The following COL4A5 variants were observed in gnomAD, a reference collection of about 807,000 sequenced individuals.
COL4A5 encodes collagen type IV alpha 5 chain.
In COL4A5, 26 loss-of-function variants were observed where a neutral mutation model predicts 130.2. That is an observed-to-expected ratio of 0.20 (90% confidence interval 0.15 to 0.28). COL4A5 has a LOEUF of 0.28. COL4A5 is among the 10% of genes least tolerant of loss of function. The pLI is 1.00. For missense variants in COL4A5, 1,131 were observed against 1,344.3 expected (o/e 0.84, Z 2.48); for synonymous variants, 496 against 439.6 (o/e 1.13, Z -1.60).
chrX:108,575,735 G>T (rs1355554745), intron 9 of COL4A5, among the ~76,000 whole-genome samples, 175 bp from the exon 10 acceptor site: 1 of 112,062 alleles, frequency 8.9e-6, no homozygotes, highest in Non-Finnish European at 1.9e-5. Context: ...TACTCAGGAG[G>T]CTGAGGCAGG....
chrX:108,537,453 G>A (rs1413807734), intron 1 of COL4A5, among the ~76,000 whole-genome samples: 2 of 111,549 alleles, frequency 1.8e-5, no homozygotes, highest in East Asian at 2.8e-4. Flanking sequence ...AAAATGACAT[G>A]CGAGAGTATT....
chrX:108,612,559 A>G, intron 29 of COL4A5, among the ~76,000 whole-genome samples: 1 of 111,860 alleles, frequency 8.9e-6, no homozygotes, highest in Admixed American at 9.5e-5. Context: ...AATAGCATCA[A>G]ATGACATGAA....
chrX:108,623,452 T>TTTTCC (rs57942778), intron 33 of COL4A5, among the ~76,000 whole-genome samples: 11,434 of 110,303 alleles, frequency 0.1, 1,284 homozygotes, highest in African/African-American at 0.33. Context: ...AAAAAAAACC[T>TTTTCC]TTTTTATAGA....
chrX:108,486,440 T>G (rs144337408), intron 1 of COL4A5, among the ~76,000 whole-genome samples: 338 of 111,728 alleles, frequency 3.0e-3, no homozygotes, highest in African/African-American at 0.011. Flanking sequence ...TTCAAATAGA[T>G]TTTTGCGGAA....
intron 2 of COL4A5, 78 bp downstream of exon 2, chrX:108,539,883 A>G (rs1358496436): frequency 3.7e-6 from 3 of 813,615 alleles, no homozygotes; most frequent in Non-Finnish European, 5.5e-6. Context: ...TTTTAAAAAC[A>G]GAGCTTCTAT....
intron 19 of COL4A5, 70 bp downstream of exon 19, chrX:108,586,817 A>G: frequency 9.1e-7 from 1 of 1,096,860 alleles, no homozygotes; most frequent in Non-Finnish European, 1.3e-6. Context: ...TTTTTATCAC[A>G]TTAGTTCCAT....
At chrX:108,577,703 G>C (rs1343401681) in intron 10 of COL4A5, among the ~76,000 whole-genome samples, 1 of 110,882 alleles carries the variant, frequency 9.0e-6, no homozygotes, top group Non-Finnish European at 1.9e-5. Flanking sequence ...TGACAATGGG[G>C]CTACCTCTCT....
intron 30 of COL4A5, 144 bp downstream of exon 30, chrX:108,615,168 A>G (rs951797468): frequency 7.9e-6 from 4 of 506,012 alleles, no homozygotes; most frequent in Non-Finnish European, 1.4e-5. Context: ...ATAAAAGTGG[A>G]TAAGTACAAG....
chrX:108,554,824 A>G (rs971353140), intron 2 of COL4A5, among the ~76,000 whole-genome samples: 3 of 111,588 alleles, frequency 2.7e-5, no homozygotes, highest in African/African-American at 9.8e-5. Flanking sequence ...TTTGTGCCAC[A>G]GCACTCCAGC....
intron 1 of COL4A5, among the ~76,000 whole-genome samples, chrX:108,447,170 C>T (rs1269441168): frequency 9.0e-6 from 1 of 111,536 alleles, no homozygotes; most frequent in Non-Finnish European, 1.9e-5. Flanking sequence ...GTCTTTCAGG[C>T]TTACACTTAA....
chrX:108,515,028 GA>G (rs1482009428), intron 1 of COL4A5, among the ~76,000 whole-genome samples: 1 of 111,700 alleles, frequency 9.0e-6, no homozygotes, highest in African/African-American at 3.3e-5. Flanking sequence ...ATTTATGTAA[GA>G]ACATTATATA....
intron 41 of COL4A5, 78 bp from the exon 42 acceptor site, chrX:108,670,150 A>G: frequency 9.6e-7 from 1 of 1,044,668 alleles, no homozygotes. Context: ...TAGTTTCTTG[A>G]TATTTCTAAC....
At chrX:108,517,550 G>A (rs1302398775) in intron 1 of COL4A5, among the ~76,000 whole-genome samples, 3 of 111,606 alleles carry the variant, frequency 2.7e-5, no homozygotes, top group Non-Finnish European at 5.7e-5. Flanking sequence ...TGCCTTGTGA[G>A]TACCTCATCA....
intron 1 of COL4A5, among the ~76,000 whole-genome samples, chrX:108,518,335 A>G (rs1448755790): frequency 2.7e-5 from 3 of 111,670 alleles, no homozygotes; most frequent in Admixed American, 9.5e-5. Flanking sequence ...TTCCCCATCC[A>G]AAACATAAAG....
At chrX:108,453,293 C>G (rs2064547259) in intron 1 of COL4A5, among the ~76,000 whole-genome samples, 1 of 111,619 alleles carries the variant, frequency 9.0e-6, no homozygotes, top group Non-Finnish European at 1.9e-5. Flanking sequence ...AGCTATATAA[C>G]TATTGGAAAC....
chrX:108,677,952 A>C (rs1395154236), intron 44 of COL4A5, among the ~76,000 whole-genome samples: 1 of 111,827 alleles, frequency 8.9e-6, no homozygotes, highest in African/African-American at 3.2e-5. Flanking sequence ...CATATAGATG[A>C]ATCCACCCAT....
intron 18 of COL4A5, among the ~76,000 whole-genome samples, chrX:108,585,304 G>A (rs2066318659): frequency 8.9e-6 from 1 of 112,043 alleles, no homozygotes. Flanking sequence ...TATCCATAAT[G>A]AGTCTCAGTT....
chrX:108,483,947 T>A (rs969713326), intron 1 of COL4A5, among the ~76,000 whole-genome samples: 1 of 112,435 alleles, frequency 8.9e-6, no homozygotes, highest in Non-Finnish European at 1.9e-5. Flanking sequence ...CTTTTGCCTA[T>A]TTTTTATTCA....
At chrX:108,445,139 C>T (rs968165941) in intron 1 of COL4A5, among the ~76,000 whole-genome samples, 5 of 110,686 alleles carry the variant, frequency 4.5e-5, no homozygotes, top group Admixed American at 9.7e-5. Flanking sequence ...ATTGACTTAC[C>T]ATTTCTTACT....
Sources: allele counts gnomAD v4.1 joint callset (sites outside exome capture counted in the v4.1 genomes callset), GRCh38; gene constraint gnomAD v4.1.1; transcripts MANE v1.5; gene names NCBI Gene and HGNC (gene_info 2026-07-23, HGNC 2026-07-21).